MYBPC1: variants seen among roughly 807,000 people sequenced by gnomAD.
MYBPC1 encodes myosin-binding protein C, slow-type.
A neutral mutation model predicts 147.1 loss-of-function variants in MYBPC1; 52 were observed. The observed-to-expected ratio is 0.35, with a 90% CI of 0.28 to 0.45. MYBPC1 has a LOEUF of 0.45. MYBPC1 is among the 20% of genes least tolerant of loss of function. The pLI, the probability that MYBPC1 is intolerant of heterozygous loss-of-function variation, is 1.00. For synonymous variants in MYBPC1, 477 were observed against 475.9 expected (o/e 1.00, Z -0.03); for missense variants, 1,228 against 1,440.3 (o/e 0.85, Z 2.39).
At chr12:101,602,152 A>G (rs1880294910) in intron 1 of MYBPC1, among the ~76,000 whole-genome samples, 1 of 152,224 alleles carries the variant, frequency 6.6e-6, no homozygotes, top group African/African-American at 2.4e-5. Context: ...ATAAAACAGT[A>G]TCAACTCTTT....
At chr12:101,631,783 T>C in intron 7 of MYBPC1, 64 bp downstream of exon 7, 2 of 1,607,522 alleles carry the variant, frequency 1.2e-6, no homozygotes, top group East Asian at 2.2e-5. Context: ...GAATAAATGA[T>C]TATTTTCAGG....
chr12:101,646,735 CT>C, intron 12 of MYBPC1, 27 bp from the exon 13 acceptor site: 1 of 1,611,248 alleles, frequency 6.2e-7, no homozygotes, highest in South Asian at 1.1e-5. Flanking sequence ...TTCACAGACT[CT>C]GTTTATTTTC....
chr12:101,602,947 G>A (rs1880684936), intron 1 of MYBPC1, among the ~76,000 whole-genome samples: 1 of 152,124 alleles, frequency 6.6e-6, no homozygotes, highest in East Asian at 1.9e-4. Flanking sequence ...GTTCTTGTGG[G>A]GACATGGCCT....
intron 1 of MYBPC1, among the ~76,000 whole-genome samples, chr12:101,601,526 T>C (rs559758772): frequency 3.9e-5 from 6 of 152,360 alleles, no homozygotes; most frequent in Admixed American, 3.9e-4. Flanking sequence ...CTCACACTTA[T>C]TTCTCTTTCT....
chr12:101,684,268 A>T, intron 30 of MYBPC1, 114 bp from the exon 31 acceptor site: 1 of 843,346 alleles, frequency 1.2e-6, no homozygotes, highest in South Asian at 1.3e-5. Flanking sequence ...GATTAATGAA[A>T]TCACCTCTTC....
At chr12:101,610,857 T>G (rs1200454950) in intron 1 of MYBPC1, among the ~76,000 whole-genome samples, 3 of 152,112 alleles carry the variant, frequency 2.0e-5, no homozygotes, top group Admixed American at 6.5e-5. Context: ...AGGCCCGGGC[T>G]GCAGAGCCCA....
downstream of MYBPC1, among the ~76,000 whole-genome samples, chr12:101,688,377 C>G (rs1951379129): frequency 6.6e-6 from 1 of 152,020 alleles, no homozygotes; most frequent in Non-Finnish European, 1.5e-5. Flanking sequence ...AAAGATTGCA[C>G]CACTGTACTC....
chr12:101,629,314 T>C (rs966704451), intron 5 of MYBPC1, 120 bp from the exon 6 acceptor site: 2 of 732,558 alleles, frequency 2.7e-6, no homozygotes, highest in Admixed American at 2.0e-5. Context: ...GATGTTGTAT[T>C]TATCTAGGTT....
chr12:101,662,587 C>T, intron 21 of MYBPC1, 41 bp downstream of exon 21: 1 of 1,599,764 alleles, frequency 6.3e-7, no homozygotes, highest in South Asian at 1.1e-5. Flanking sequence ...AGAATCATTG[C>T]CCCAGAGTAT....
Position 101,659,681 on chromosome 12 carries a change from G to C in MYBPC1, c.1777G>C (p.Glu593Gln). 6.2e-7 allele frequency: 1 copy of C among 1,614,054 alleles called. No individual in the cohort carries two copies. Among genetic ancestry groups the C allele is most frequent in the Non-Finnish European group, 8.5e-7 (1 of 1,179,978 alleles). ...MWSRGDKAIM[E>Q]GSGRIRTESY... ...TTTCTCCACTTCTTAGGCTATTATG[G>C]AAGGCAGTGGCCGGATAAGAACAGA... Residue 593 changes from glutamate to glutamine, a missense_variant, in exon 19 of 32, where the codon GAA (glutamate) becomes CAA (glutamine). Coordinates refer to ENST00000361466, the MANE Select transcript of MYBPC1 (RefSeq NM_002465.4).
Position 101,649,348 on chromosome 12 carries a change from G to A in MYBPC1, c.1285G>A (p.Gly429Arg), listed in dbSNP as rs932357552. Residue 429 changes from glycine (G) to arginine (R), a missense_variant, in exon 15 of 32, where the codon GGA becomes AGA. Coordinates refer to ENST00000361466, the MANE Select transcript of MYBPC1 (RefSeq NM_002465.4). ...TAAAAAACACATCTTGATCATAGAG[G>A]GAGCAACAAAGGCTGATGCTGCAGA... The part of the protein sequence containing the change: ...EGKKHILIIE[G>R]ATKADAAEYS... 2 of 1,613,734 alleles carry A rather than the reference G, an allele frequency of 1.2e-6. No individual in the cohort carries two copies. The highest frequency in any genetic ancestry group is 2.7e-5 in the African/African-American group (2 of 74,882).
chr12:101,695,480 G>A, the MYBPC1 span, among the ~76,000 whole-genome samples: 2 of 152,156 alleles, frequency 1.3e-5, no homozygotes, highest in Admixed American at 1.3e-4. Flanking sequence ...GGTTGACTGT[G>A]GGTATCTAAA....
intron 8 of MYBPC1, among the ~76,000 whole-genome samples, chr12:101,634,107 A>G (rs1358243800): frequency 6.6e-6 from 1 of 151,920 alleles, no homozygotes; most frequent in Admixed American, 6.6e-5. Flanking sequence ...TCACCGTGTT[A>G]GCCAGGCTGG....
intron 24 of MYBPC1, 114 bp downstream of exon 24, chr12:101,670,523 G>T: frequency 2.2e-6 from 2 of 902,676 alleles, no homozygotes; most frequent in South Asian, 1.3e-5. Flanking sequence ...CTCAGAGGGA[G>T]AGGAGGTAAA....
chr12:101,621,560 A>G (rs1456868275), intron 3 of MYBPC1, among the ~76,000 whole-genome samples: 1 of 152,020 alleles, frequency 6.6e-6, no homozygotes, highest in East Asian at 1.9e-4. Context: ...TGCTTGAGGA[A>G]TTCATGAATT....
intron 1 of MYBPC1, among the ~76,000 whole-genome samples, chr12:101,595,501 A>G (rs1273229376): frequency 1.3e-5 from 2 of 152,194 alleles, no homozygotes; most frequent in Non-Finnish European, 2.9e-5. Context: ...TATTTTCTCA[A>G]ATGGTTAATA....
rs774705992 is a variant in MYBPC1, at chr12:101,646,819, T to A, written c.1022T>A (p.Met341Lys). The A allele has an allele frequency of 1.2e-6, 2 of 1,613,552 alleles. No individual in the cohort carries two copies. The highest frequency in any genetic ancestry group is 2.2e-5 in the East Asian group (1 of 44,878). The change falls in exon 13 of 32, where the codon ATG (methionine) becomes AAG (lysine). Residue 341 changes from methionine to lysine, a missense_variant. By Grantham distance (95) the Met-to-Lys change is moderately conservative (BLOSUM62 -1). Around this residue, in one of 2 missense-constraint regions of MYBPC1, gnomAD observed 1,077 missense variants for 1,314.2 expected, o/e 0.82. Transcript: ENST00000361466. Reference sequence around the variant, plus strand: ...ATCCTGTTTATCAATAACTGTCAGATGACAGATGATTCAGAGTATTATGTG... The same window carrying A: ...ATCCTGTTTATCAATAACTGTCAGAAGACAGATGATTCAGAGTATTATGTG... ...QRILFINNCQ[M>K]TDDSEYYVTA...
At chr12:101,631,984 A>G in intron 7 of MYBPC1, 37 bp from the exon 8 acceptor site, 1 of 1,523,948 alleles carries the variant, frequency 6.6e-7, no homozygotes, top group Non-Finnish European at 9.1e-7. Context: ...TTGGAAAATA[A>G]ACTGAAATGT....
chr12:101,632,389 G>C (rs1454294455), intron 8 of MYBPC1, among the ~76,000 whole-genome samples: 1 of 152,128 alleles, frequency 6.6e-6, no homozygotes, highest in Non-Finnish European at 1.5e-5. Flanking sequence ...CAATCTCCCA[G>C]ATAAAAGATG....
Sources: allele counts gnomAD v4.1 joint callset (sites outside exome capture counted in the v4.1 genomes callset), GRCh38; gene constraint gnomAD v4.1.1; regional missense constraint gnomAD v4.1.1; transcripts MANE v1.5; gene names NCBI Gene and HGNC (gene_info 2026-07-23, HGNC 2026-07-21).